CSMD1: variants seen among roughly 807,000 people sequenced by gnomAD.
The protein encoded by CSMD1 is CUB and Sushi multiple domains 1.
A neutral mutation model predicts 417.5 loss-of-function variants in CSMD1; 213 were observed. The observed-to-expected ratio is 0.51, with a 90% CI of 0.46 to 0.57. CSMD1 has a LOEUF of 0.57. Among genes scored for constraint, CSMD1 ranks in the 20% least tolerant of loss-of-function variants. The probability of loss-of-function intolerance (pLI) is 0.00; values close to 1 mark genes in which losing one functional copy is unlikely to be tolerated. For synonymous variants in CSMD1, 2,862 were observed against 1,736.8 expected, an observed-to-expected ratio of 1.65 and a Z score of -16.11; for missense variants, 6,923 against 4,529.7, an observed-to-expected ratio of 1.53 and a Z score of -15.17.
intron 3 of CSMD1, among the ~76,000 whole-genome samples, chr8:4,203,142 T>C (rs1401129116): frequency 1.3e-5 from 2 of 152,188 alleles, no homozygotes; most frequent in East Asian, 3.9e-4. Context: ...GCTGAAAACC[T>C]TTTCTGGCTC....
chr8:3,112,858 T>C (rs996869076), intron 42 of CSMD1: 4 of 152,224 alleles, frequency 2.6e-5, no homozygotes, highest in African/African-American at 7.2e-5. Context: ...CAAAATCCTG[T>C]TGCCCTCCCA....
chr8:3,968,675 GT>G (rs1384569866), intron 5 of CSMD1, among the ~76,000 whole-genome samples: 1 of 152,080 alleles, frequency 6.6e-6, no homozygotes, highest in Non-Finnish European at 1.5e-5. Flanking sequence ...AGCTGATAGT[GT>G]TAGTCATTAA....
intron 36 of CSMD1, among the ~76,000 whole-genome samples, chr8:3,184,620 CATTTT>C (rs1821631396): frequency 6.6e-6 from 1 of 152,200 alleles, no homozygotes; most frequent in Non-Finnish European, 1.5e-5. Flanking sequence ...AATGCTTGCA[CATTTT>C]ATTTCTATAC....
chr8:3,170,238 C>T (rs1193859996), intron 37 of CSMD1, among the ~76,000 whole-genome samples: 9 of 152,152 alleles, frequency 5.9e-5, no homozygotes, highest in Non-Finnish European at 1.0e-4. Flanking sequence ...GACGGAGTCT[C>T]GCTCTGTGGC....
chr8:3,271,361 C>G (rs565924799), intron 26 of CSMD1, among the ~76,000 whole-genome samples: 7 of 151,992 alleles, frequency 4.6e-5, no homozygotes, highest in Admixed American at 1.3e-4. Context: ...CAAGTCTTTG[C>G]TATTGTGAAT....
intron 5 of CSMD1, among the ~76,000 whole-genome samples, chr8:3,845,345 T>G (rs1283689780): frequency 6.6e-6 from 1 of 152,214 alleles, no homozygotes. Context: ...ATACAGCATG[T>G]TGCTCCTGGA....
At chr8:4,689,449 T>C (rs1806614410) in intron 1 of CSMD1, among the ~76,000 whole-genome samples, 1 of 152,218 alleles carries the variant, frequency 6.6e-6, no homozygotes, top group African/African-American at 2.4e-5. Context: ...GGTATGCATT[T>C]ATATTAGAAG....
At chr8:3,279,501 A>G (rs1802569539) in intron 26 of CSMD1, among the ~76,000 whole-genome samples, 1 of 152,320 alleles carries the variant, frequency 6.6e-6, no homozygotes, top group Admixed American at 6.5e-5. Flanking sequence ...TGTATTTTTT[A>G]AAATGCCACA....
chr8:4,989,327 C>T (rs896713574), intron 1 of CSMD1, among the ~76,000 whole-genome samples: 1 of 152,078 alleles, frequency 6.6e-6, no homozygotes, highest in Non-Finnish European at 1.5e-5. Context: ...TGTGCCACAG[C>T]GTCAGATTGG....
chr8:4,104,417 C>T (rs1801460952), intron 3 of CSMD1, among the ~76,000 whole-genome samples: 1 of 136,648 alleles, frequency 7.3e-6, no homozygotes, highest in South Asian at 2.2e-4. Context: ...TGCACACGCA[C>T]ACACACATGC....
chr8:3,514,430 G>A (rs989472593), intron 10 of CSMD1, among the ~76,000 whole-genome samples: 1 of 152,136 alleles, frequency 6.6e-6, no homozygotes, highest in Admixed American at 6.6e-5. Flanking sequence ...TGCAAATGTG[G>A]TGTTATCCCC....
intron 5 of CSMD1, among the ~76,000 whole-genome samples, chr8:3,834,042 A>C (rs1409006417): frequency 2.0e-5 from 3 of 152,162 alleles, no homozygotes; most frequent in Non-Finnish European, 4.4e-5. Flanking sequence ...CACGGTCACT[A>C]ATGTAAAGTT....
chr8:4,253,768 C>A (rs1317942326), intron 3 of CSMD1, among the ~76,000 whole-genome samples: 2 of 149,284 alleles, frequency 1.3e-5, no homozygotes, highest in African/African-American at 2.5e-5. Flanking sequence ...AAAAAAAAAA[C>A]AGCTGATGAA....
rs187844242 is a variant in CSMD1, at chr8:4,553,389, G to C, written c.302+83953C>G. Among the ~76,000 whole-genome samples the C allele has an allele frequency of 1.9e-4, 28 of 148,802 alleles. No individual in the cohort carries two copies. The East Asian group carries it at 4.7e-3, about 25-fold the overall frequency. ...ATAAACATTTATAAGGCTTCATTTT[G>C]TATTATTTTCATTAATTACTCCTGA... On this transcript the variant is annotated intron_variant, in intron 2 of 69. Transcript: ENST00000635120.
intron 3 of CSMD1, among the ~76,000 whole-genome samples, chr8:4,254,572 G>C (rs1803317317): frequency 6.6e-6 from 1 of 152,154 alleles, no homozygotes; most frequent in Non-Finnish European, 1.5e-5. Context: ...CATGTCCTAA[G>C]CCTTCACATT....
chr8:4,869,593 T>C lies in CSMD1; in HGVS notation c.85+124739A>G, dbSNP rs550870583. On this transcript the variant is annotated intron_variant, in intron 1 of 69. Transcript: ENST00000635120. ...CTATTTTGTGTTAAATGTTGTAGTT[T>C]AGTTAATGATCACATTCTTTAAAAA... 1.8e-3 allele frequency among the ~76,000 whole-genome samples: 273 copies of C among 152,204 alleles called. 1 individual carries two copies. Among genetic ancestry groups the C allele is most frequent in the African/African-American group, 6.1e-3 (252 of 41,508 alleles).
At chr8:3,807,982 C>T (rs1800842974) in intron 5 of CSMD1, among the ~76,000 whole-genome samples, 1 of 152,138 alleles carries the variant, frequency 6.6e-6, no homozygotes, top group South Asian at 2.1e-4. Flanking sequence ...CAGCCCTATT[C>T]CTGTGTCATT....
chr8:4,740,663 C>G (rs1810544686), intron 1 of CSMD1, among the ~76,000 whole-genome samples: 1 of 152,178 alleles, frequency 6.6e-6, no homozygotes, highest in South Asian at 2.1e-4. Context: ...TGGCTTTTCA[C>G]TAAGAGGATG....
At chr8:3,537,559 T>C (rs1342109072) in intron 10 of CSMD1, among the ~76,000 whole-genome samples, 1 of 152,234 alleles carries the variant, frequency 6.6e-6, no homozygotes, top group Non-Finnish European at 1.5e-5. Flanking sequence ...AACATTAATA[T>C]TTGCATGTTT....
Sources: gnomAD v4.1 joint callset for allele counts (sites outside exome capture counted in the v4.1 genomes callset) on GRCh38, gnomAD v4.1.1 for gene constraint, MANE v1.5 for transcripts, NCBI Gene and HGNC (gene_info 2026-07-23, HGNC 2026-07-21) for gene names.